Variants in CFAP45 observed in about 807,000 individuals in gnomAD.
CFAP45 encodes the protein cilia- and flagella-associated protein 45.
Under a neutral mutation model 75.6 loss-of-function variants are expected in CFAP45, and 43 were observed. The observed-to-expected ratio is 0.57, with a 90% CI of 0.45 to 0.73. The LOEUF (loss-of-function observed/expected upper bound fraction) is 0.73. Ranked by LOEUF, CFAP45 falls within the 30% of genes least tolerant of loss-of-function variation. CFAP45 has a pLI of 0.00. For synonymous variants in CFAP45, 223 were observed against 244.6 expected, an observed-to-expected ratio of 0.91 and a Z score of 0.82; for missense variants, 689 against 701.5, an observed-to-expected ratio of 0.98 and a Z score of 0.20.
Position 159,888,489 on chromosome 1 carries a change from T to C in CFAP45, c.280A>G (p.Thr94Ala), listed in dbSNP as rs1306889489. Residue 94 changes from threonine (T) to alanine (A), a missense_variant, in exon 4 of 12, where the codon ACA becomes GCA. Transcript: ENST00000368099. ...AGGGACTCCCCGGAGGGATCCTCTG[T>C]GGGAACACTGTCACAAGAATAAACA... is the stretch of plus-strand genomic sequence containing the variant. ...RDMVRELIVP[T>A]EDPSGESLII... is the part of the protein sequence containing the mutation. The C allele has an allele frequency of 6.3e-7, 1 of 1,583,934 alleles. No individual in the cohort carries two copies. The highest frequency in any genetic ancestry group is 8.7e-7 in the Non-Finnish European group (1 of 1,154,428).
intron 10 of CFAP45, among the ~76,000 whole-genome samples, chr1:159,873,591 C>T (rs1649330012): frequency 6.6e-6 from 1 of 152,200 alleles, no homozygotes; most frequent in Non-Finnish European, 1.5e-5. Flanking sequence ...CCACCTCAGC[C>T]TCCCGAGTAG....
rs374764461 is a variant in CFAP45 at position 159,884,586 on chromosome 1, A to G, written c.768-21T>C. On this transcript the variant is annotated intron_variant, in intron 6 of 11. Transcript: ENST00000368099. ...TTCCTCTTGGAGAGAACAGTGCCAC[A>G]GTGTCTTAGAAACCCCGGGTCCACA... The G allele has an allele frequency of 4.3e-6, 7 of 1,610,314 alleles. No homozygotes were observed. In the African/African-American group the frequency reaches 5.3e-5, roughly 12 times the overall value.
chr1:159,884,040 C>G (rs1432950407), intron 7 of CFAP45, among the ~76,000 whole-genome samples: 1 of 152,174 alleles, frequency 6.6e-6, no homozygotes, highest in African/African-American at 2.4e-5. Flanking sequence ...GAAGTAACAG[C>G]AGGGAGTCTG....
Position 159,876,704 on chromosome 1 carries a change from ACTCTCTGTCTGCAAC to A in CFAP45, c.1189_1203del (p.Val397_Glu401del). 6.2e-7 allele frequency: 1 copy of A among 1,613,702 alleles called. No individual in the cohort carries two copies. The highest frequency in any genetic ancestry group is 8.5e-7 in the Non-Finnish European group (1 of 1,179,932). On this transcript the variant is annotated inframe_deletion, in exon 10 of 12. Transcript: ENST00000368099. ...GCATTTTCCTTTTCCTTTCTGCGCC[ACTCTCTGTCTGCAAC>A]CTCCTGGTTGCGCTTGGCCCGCAAG...
intron 6 of CFAP45, among the ~76,000 whole-genome samples, chr1:159,886,264 C>T (rs552071398): frequency 6.6e-6 from 1 of 151,748 alleles, no homozygotes; most frequent in South Asian, 2.1e-4. Context: ...CGCTTGAACC[C>T]GGGAGGTGGA....
chr1:159,876,348 G>A, intron 10 of CFAP45: 5 of 592,472 alleles, frequency 8.4e-6, no homozygotes, highest in South Asian at 6.2e-5. Flanking sequence ...GCAATTCCAG[G>A]TGCTATCTCC....
Position 159,873,135 on chromosome 1 carries a change from C to T in CFAP45, c.1386G>A (p.Leu462=), listed in dbSNP as rs746886117. ...AQREQIEKER[L]EEEKKATGRL... Reference sequence around the variant, plus strand: ...GCCCTGTGGCCTTTTTCTCCTCCTCCAGCCGCTCCTTCTCAATCTGTTCTC... The same window carrying T: ...GCCCTGTGGCCTTTTTCTCCTCCTCTAGCCGCTCCTTCTCAATCTGTTCTC... The change falls in exon 11 of 12, where the codon CTG becomes CTA. Residue 462 remains leucine (L), a synonymous_variant. Coordinates refer to ENST00000368099, the MANE Select transcript of CFAP45 (RefSeq NM_012337.3). 2 of 1,614,120 alleles carry T rather than the reference C, an allele frequency of 1.2e-6. No individual in the cohort carries two copies. Among genetic ancestry groups the T allele is most frequent in the Non-Finnish European group, 1.7e-6 (2 of 1,180,036 alleles).
At chr1:159,873,247 G>T in intron 10 of CFAP45, 79 bp from the exon 11 acceptor site, 1 of 1,226,042 alleles carries the variant, frequency 8.2e-7, no homozygotes, top group Non-Finnish European at 1.2e-6. Context: ...AGCCTCCTGG[G>T]TGGGCTCCTT....
chr1:159,881,010 T>C (rs776390633), intron 7 of CFAP45, among the ~76,000 whole-genome samples: 2 of 152,240 alleles, frequency 1.3e-5, no homozygotes, highest in Non-Finnish European at 2.9e-5. Flanking sequence ...TGCTAAATCC[T>C]ACCCCTGTGG....
In CFAP45 at chr1:159,873,012, G is replaced by C; in HGVS notation, c.1509C>G (p.Leu503=). ...CACGGCGTTTCTGGGCCTCCTCTTT[G>C]AGGCGCCGGCCCTCCTCAAAGGTGG... ...RIATFEEGRR[L]KEEAQKRRER... The change falls in exon 11 of 12, where the codon CTC becomes CTG. Residue 503 remains leucine, a synonymous_variant. Transcript: ENST00000368099. 1.2e-6 allele frequency: 2 copies of C among 1,614,226 alleles called. No individual in the cohort carries two copies. Among genetic ancestry groups the C allele is most frequent in the South Asian group, 1.1e-5 (1 of 91,086 alleles).
chr1:159,892,277 G>T (rs1239378172), intron 2 of CFAP45, among the ~76,000 whole-genome samples: 3 of 152,120 alleles, frequency 2.0e-5, no homozygotes, highest in East Asian at 1.9e-4. Flanking sequence ...TGGGTGACAG[G>T]AGTGAAACCC....
chr1:159,876,754 GA>G lies in CFAP45; in HGVS notation c.1159-6del. 1 of 1,614,144 alleles carries G rather than the reference GA, an allele frequency of 6.2e-7. No individual in the cohort carries two copies. The highest frequency in any genetic ancestry group is 1.1e-5 in the South Asian group (1 of 91,080). The stretch of plus-strand genomic sequence containing the variant: ...GCGCTTGGCCCGCAAGGCATCCTGG[GA>G]ATGTTGGCAGGGGACCAGTGAGGGC... On this transcript the variant is annotated splice_polypyrimidine_tract_variant and splice_region_variant and intron_variant, in intron 9 of 11. Transcript: ENST00000368099.
chr1:159,890,865 T>C (rs1003663695), intron 2 of CFAP45, among the ~76,000 whole-genome samples: 3 of 150,982 alleles, frequency 2.0e-5, no homozygotes. Flanking sequence ...TTCAAGCAAT[T>C]CTCCTCCCTC....
At chr1:159,894,782 C>A (rs997096790) in intron 1 of CFAP45, among the ~76,000 whole-genome samples, 8 of 152,198 alleles carry the variant, frequency 5.3e-5, no homozygotes, top group African/African-American at 1.9e-4. Context: ...AATGAGATGG[C>A]CCTGGACTGA....
chr1:159,881,465 A>T (rs1649548818), intron 7 of CFAP45, among the ~76,000 whole-genome samples: 1 of 151,948 alleles, frequency 6.6e-6, no homozygotes, highest in Non-Finnish European at 1.5e-5. Context: ...GCAGGTCCCC[A>T]CTCATTTCAT....
At position 159,877,449 on chromosome 1, in the gene CFAP45, T is replaced by G. The variant is rs1649430389; in HGVS notation, c.1058A>C (p.Glu353Ala). The G allele has an allele frequency of 6.2e-7, 1 of 1,613,676 alleles. No individual in the cohort carries two copies. Among genetic ancestry groups the G allele is most frequent in the African/African-American group, 1.3e-5 (1 of 74,912 alleles). ...GATTCTCTCCTGCTCAGCCTCAAACTCTGCTTCTCGAGCCTGCCGGAAGGA... is the reference window on the plus strand; with the variant it reads ...GATTCTCTCCTGCTCAGCCTCAAACGCTGCTTCTCGAGCCTGCCGGAAGGA... ...FTKKKMAREA[E>A]FEAEQERIRR... Residue 353 changes from glutamate (E) to alanine (A), a missense_variant, in exon 9 of 12, where the codon GAG (glutamate) becomes GCG (alanine). Transcript: ENST00000368099.
intron 7 of CFAP45, among the ~76,000 whole-genome samples, chr1:159,882,328 T>C (rs1649567459): frequency 6.6e-6 from 1 of 152,202 alleles, no homozygotes; most frequent in Admixed American, 6.5e-5. Context: ...TTAATCTCAC[T>C]GGCCCTCAAA....
chr1:159,879,137 GC>G (rs1363941207), intron 8 of CFAP45, among the ~76,000 whole-genome samples: 2 of 152,100 alleles, frequency 1.3e-5, no homozygotes, highest in African/African-American at 4.8e-5. Flanking sequence ...CTCCTCTCTT[GC>G]TTAGAAATTC....
rs1183047386 is a variant in CFAP45, at chr1:159,887,930, C to T, written c.499G>A (p.Glu167Lys). Reference sequence around the variant, plus strand: ...TTCTGGGCCCGTTCCTTGGCCACCTCCTCCAGGTCACTGAGCTTCTTGTTG... The same window carrying T: ...TTCTGGGCCCGTTCCTTGGCCACCTTCTCCAGGTCACTGAGCTTCTTGTTG... ...NNNKKLSDLE[E>K]VAKERAQNLL... is the part of the protein sequence containing the mutation. Residue 167 changes from glutamate (E) to lysine (K), a missense_variant, in exon 5 of 12, where the codon GAG becomes AAG. Coordinates refer to ENST00000368099, the MANE Select transcript of CFAP45 (RefSeq NM_012337.3). 7 of 1,614,140 alleles carry T rather than the reference C, an allele frequency of 4.3e-6. No homozygotes were observed. The South Asian group carries it at 5.5e-5, about 13-fold the overall frequency.
Sources: gnomAD v4.1 joint callset for allele counts (sites outside exome capture counted in the v4.1 genomes callset) on GRCh38, gnomAD v4.1.1 for gene constraint, MANE v1.5 for transcripts, NCBI Gene and HGNC (gene_info 2026-07-23, HGNC 2026-07-21) for gene names.